C16orf96: variants seen among roughly 807,000 people sequenced by gnomAD.
C16orf96 encodes chromosome 16 open reading frame 96, also known as uncharacterized protein C16orf96.
Under a neutral mutation model 103.6 loss-of-function variants are expected in C16orf96, and 108 were observed. The observed-to-expected ratio is 1.04, with a 90% confidence interval of 0.89 to 1.22. The LOEUF (loss-of-function observed/expected upper bound fraction) is 1.22. Among genes scored for constraint, C16orf96 ranks in the 50% most tolerant of loss-of-function variants. The pLI is 0.00. For synonymous variants in C16orf96, 566 were observed against 593.5 expected (o/e 0.95, Z 0.67); for missense variants, 1,586 against 1,464.2 (o/e 1.08, Z -1.36).
rs144010708 is a variant in C16orf96 at position 4,577,467 on chromosome 16, G to A, written c.2155+832G>A. Among the ~76,000 whole-genome samples the A allele has an allele frequency of 2.5e-3, 376 of 151,670 alleles. 1 individual carries two copies. The highest frequency in any genetic ancestry group is 8.5e-3 in the African/African-American group (350 of 41,300). On this transcript the variant is annotated intron_variant, in intron 5 of 15. Transcript: ENST00000444310. ...ATACGGAGACCATCCTGGCTGACAC[G>A]GTGAAACCCCGTCTCTACTAAAAAT...
chr16:4,548,798 G>A, the C16orf96 span, among the ~76,000 whole-genome samples: 2 of 151,924 alleles, frequency 1.3e-5, no homozygotes, highest in African/African-American at 2.4e-5. Flanking sequence ...GCTTGAACCC[G>A]GGAGGCGGAG....
intron 8 of C16orf96, among the ~76,000 whole-genome samples, chr16:4,587,827 T>C (rs1404221189): frequency 6.6e-6 from 1 of 151,956 alleles, no homozygotes; most frequent in African/African-American, 2.4e-5. Flanking sequence ...TCCCAGCCAC[T>C]CAGGAGGCTG....
At chr16:4,549,469 T>A in the C16orf96 span, among the ~76,000 whole-genome samples, 1 of 120,652 alleles carries the variant, frequency 8.3e-6, no homozygotes, top group Admixed American at 8.6e-5. Context: ...CAAGACTCTG[T>A]CTAAAAAAAA....
intron 7 of C16orf96, among the ~76,000 whole-genome samples, chr16:4,585,833 C>G (rs541264831): frequency 7.2e-5 from 11 of 152,158 alleles, no homozygotes; most frequent in Non-Finnish European, 1.0e-4. Flanking sequence ...CTAAGTGAAG[C>G]AACTCAGGAG....
intron 5 of C16orf96, among the ~76,000 whole-genome samples, chr16:4,577,015 A>G (rs1336606636): frequency 1.3e-5 from 2 of 152,030 alleles, no homozygotes; most frequent in Non-Finnish European, 2.9e-5. Flanking sequence ...AACATGGAGA[A>G]ACCCCGTCTC....
At chr16:4,573,890 G>A (rs2141717322) in intron 2 of C16orf96, among the ~76,000 whole-genome samples, 1 of 152,158 alleles carries the variant, frequency 6.6e-6, no homozygotes, top group East Asian at 1.9e-4. Context: ...CTGGAGTGCA[G>A]TGGCACGATC....
intron 15 of C16orf96, 84 bp downstream of exon 15, chr16:4,599,448 C>T (rs900386613): frequency 8.2e-7 from 1 of 1,225,910 alleles, no homozygotes; most frequent in East Asian, 2.5e-5. Flanking sequence ...ATCCCCCACA[C>T]CCCGCCTGGG....
At chr16:4,569,557 A>C (rs1446902501) in intron 1 of C16orf96, among the ~76,000 whole-genome samples, 1 of 151,516 alleles carries the variant, frequency 6.6e-6, no homozygotes, top group African/African-American at 2.4e-5. Flanking sequence ...GTTTGAGATC[A>C]GCCTGGCCAA....
intron 1 of C16orf96, among the ~76,000 whole-genome samples, chr16:4,565,453 A>C (rs1024120586): frequency 1.3e-5 from 2 of 152,216 alleles, no homozygotes; most frequent in African/African-American, 4.8e-5. Flanking sequence ...CATATCACAC[A>C]GAGGGGGAGG....
upstream of C16orf96, among the ~76,000 whole-genome samples, chr16:4,553,878 G>T (rs1298162609): frequency 6.6e-6 from 1 of 152,172 alleles, no homozygotes; most frequent in Non-Finnish European, 1.5e-5. Flanking sequence ...CTGAGGCTCA[G>T]AGAGGTTAAG....
chr16:4,549,290 C>A, the C16orf96 span, among the ~76,000 whole-genome samples: 3 of 151,792 alleles, frequency 2.0e-5, no homozygotes, highest in Non-Finnish European at 4.4e-5. Flanking sequence ...CAGGCTAACA[C>A]GTTGAAACCC....
intron 1 of C16orf96, among the ~76,000 whole-genome samples, chr16:4,559,157 G>C (rs1211300734): frequency 6.6e-6 from 1 of 152,096 alleles, no homozygotes; most frequent in African/African-American, 2.4e-5. Flanking sequence ...CTCTGAGCCA[G>C]AACTGTGCCC....
chr16:4,575,561 G>A lies in C16orf96; in HGVS notation c.1081G>A (p.Gly361Arg), dbSNP rs1284259003. 3 of 1,533,562 alleles carry A rather than the reference G, an allele frequency of 2.0e-6. No individual in the cohort carries two copies. Among genetic ancestry groups the A allele is most frequent in the Non-Finnish European group, 2.6e-6 (3 of 1,141,342 alleles). 95.0% of individuals were successfully genotyped at this position (1,533,562 alleles called of 1,614,324 possible). A position where few individuals can be genotyped will look rare whatever the true frequency, so the allele number is the denominator to read the frequency against. The part of the protein sequence containing the change: ...GPVPGPSVTP[G>R]SLPAPWPVLG... The stretch of plus-strand genomic sequence containing the variant: ...TGTCCCAGGGCCCAGTGTGACACCT[G>A]GGTCCTTGCCAGCACCTTGGCCTGT... The change falls in exon 5 of 16, where the codon GGG becomes AGG. Residue 361 changes from glycine to arginine, a missense_variant. Physicochemically the swap from Gly to Arg is moderately radical, Grantham distance 125 (BLOSUM62 -2). Transcript: ENST00000444310.
At chr16:4,574,918 G>T in intron 3 of C16orf96, 54 bp from the exon 4 acceptor site, 3 of 1,532,776 alleles carry the variant, frequency 2.0e-6, no homozygotes, top group Non-Finnish European at 2.7e-6. Flanking sequence ...GCAGGTGTGG[G>T]GGACACTGCC....
At chr16:4,551,403 C>T (rs1396429763), upstream of C16orf96, among the ~76,000 whole-genome samples, 4 of 152,194 alleles carry the variant, frequency 2.6e-5, no homozygotes, top group East Asian at 3.8e-4. Context: ...GATAACCACT[C>T]GCCTCACCTC....
intron 1 of C16orf96, chr16:4,561,473 AT>A (rs1189612368): frequency 1.4e-4 from 21 of 152,200 alleles, no homozygotes; most frequent in African/African-American, 4.8e-4. Context: ...GGATGGGCAG[AT>A]ACCAGGATCC....
intron 14 of C16orf96, among the ~76,000 whole-genome samples, 200 bp from the exon 15 acceptor site, chr16:4,599,084 G>A (rs1461954178): frequency 6.6e-6 from 1 of 151,170 alleles, no homozygotes; most frequent in Non-Finnish European, 1.5e-5. Context: ...AGGTGACAGA[G>A]CGGAGACCCT....
chr16:4,597,697 C>G (rs528822029), intron 14 of C16orf96, among the ~76,000 whole-genome samples: 1 of 152,058 alleles, frequency 6.6e-6, no homozygotes, highest in Non-Finnish European at 1.5e-5. Context: ...ACTGGAACTA[C>G]AGGCGTGCGC....
the C16orf96 span, among the ~76,000 whole-genome samples, chr16:4,548,808 G>A: frequency 4.6e-5 from 7 of 150,764 alleles, no homozygotes; most frequent in East Asian, 1.4e-3. Flanking sequence ...GGGAGGCGGA[G>A]GTTGCAGTGA....
Sources: gnomAD v4.1 joint callset for allele counts (sites outside exome capture counted in the v4.1 genomes callset) on GRCh38, gnomAD v4.1.1 for gene constraint, MANE v1.5 for transcripts, NCBI Gene and HGNC (gene_info 2026-07-23, HGNC 2026-07-21) for gene names.